The following NRXN3 variants were observed in gnomAD, a reference collection of about 807,000 sequenced individuals.
NRXN3 encodes neurexin 3.
NRXN3 carries 32 observed loss-of-function variants against 137.6 expected under a neutral mutation model. The ratio of observed to expected loss-of-function variants is 0.23; its 90% CI spans 0.18 to 0.31. The LOEUF (loss-of-function observed/expected upper bound fraction) is 0.31. Ranked by LOEUF, NRXN3 falls within the 10% of genes least tolerant of loss-of-function variation. The pLI is 1.00. For missense variants in NRXN3, 1,574 were observed against 2,062.5 expected, an observed-to-expected ratio of 0.76 and a Z score of 4.59; for synonymous variants, 798 against 784.5, an observed-to-expected ratio of 1.02 and a Z score of -0.29.
intron 4 of NRXN3, among the ~76,000 whole-genome samples, chr14:78,540,365 C>T (rs191020213): frequency 1.1e-3 from 161 of 150,984 alleles, no homozygotes; most frequent in Admixed American, 2.4e-3. Context: ...TATATAATGG[C>T]CTTCTTTTTC....
intron 19 of NRXN3, among the ~76,000 whole-genome samples, chr14:79,744,166 T>A (rs962103725): frequency 3.3e-5 from 5 of 152,158 alleles, no homozygotes; most frequent in African/African-American, 1.2e-4. Flanking sequence ...GAGCAGGAAA[T>A]GAGGTGACTA....
At chr14:79,831,195 G>A (rs1404850105) in intron 20 of NRXN3, among the ~76,000 whole-genome samples, 1 of 152,138 alleles carries the variant, frequency 6.6e-6, no homozygotes, top group African/African-American at 2.4e-5. Context: ...GTGTCATTTT[G>A]TTCAAAGGGA....
chr14:78,341,267 C>T (rs549726237), intron 4 of NRXN3, among the ~76,000 whole-genome samples: 1 of 152,260 alleles, frequency 6.6e-6, no homozygotes, highest in African/African-American at 2.4e-5. Context: ...TTTTCAGACT[C>T]TCATGTGTGC....
rs543594254 is a variant in NRXN3, at chr14:79,724,100, AG to A, written c.4014+26164del. ...TTGTTAGATTTCTGCTGTTCTCAAG[AG>A]CTGAAAAAAAGTGTGATACTTCACA... On this transcript the variant is annotated intron_variant, in intron 19 of 20. Coordinates refer to ENST00000335750, the MANE Select transcript of NRXN3 (RefSeq NM_001330195.2). Among the ~76,000 whole-genome samples, 43 of 152,238 alleles carry A rather than the reference AG, an allele frequency of 2.8e-4. No homozygotes were observed. The South Asian group carries it at 8.7e-3, about 31-fold the overall frequency.
At chr14:79,308,492 A>T (rs2086528516) in intron 15 of NRXN3, among the ~76,000 whole-genome samples, 1 of 152,166 alleles carries the variant, frequency 6.6e-6, no homozygotes, top group South Asian at 2.1e-4. Context: ...TGCATATGGT[A>T]TTCTCCTGAA....
intron 6 of NRXN3, among the ~76,000 whole-genome samples, chr14:78,663,860 C>T (rs1446603785): frequency 6.6e-6 from 1 of 152,184 alleles, no homozygotes; most frequent in Admixed American, 6.5e-5. Flanking sequence ...TAAAAAAACA[C>T]TAGTCCTTGT....
At chr14:79,419,519 A>G (rs1252422277) in intron 15 of NRXN3, among the ~76,000 whole-genome samples, 1 of 152,136 alleles carries the variant, frequency 6.6e-6, no homozygotes, top group Non-Finnish European at 1.5e-5. Flanking sequence ...GCTGCTAGAT[A>G]TTGGTAGAAA....
intron 10 of NRXN3, among the ~76,000 whole-genome samples, chr14:78,956,798 G>T (rs1597871896): frequency 6.6e-6 from 1 of 152,178 alleles, no homozygotes; most frequent in East Asian, 1.9e-4. Flanking sequence ...TCGTCCTATT[G>T]GTGGATACTC....
intron 15 of NRXN3, among the ~76,000 whole-genome samples, chr14:79,331,758 A>G (rs921660333): frequency 1.3e-5 from 2 of 152,134 alleles, no homozygotes; most frequent in Non-Finnish European, 2.9e-5. Context: ...CTGATTCTCT[A>G]TCAAGACATA....
intron 15 of NRXN3, among the ~76,000 whole-genome samples, chr14:79,016,055 C>T (rs1354039413): frequency 1.3e-5 from 2 of 152,158 alleles, no homozygotes; most frequent in African/African-American, 4.8e-5. Flanking sequence ...TCCCTTCTCA[C>T]CTTGTCCATG....
At chr14:78,943,973 A>C (rs1399941444) in intron 10 of NRXN3, among the ~76,000 whole-genome samples, 1 of 151,920 alleles carries the variant, frequency 6.6e-6, no homozygotes, top group Admixed American at 6.6e-5. Flanking sequence ...TTGAAGGGTG[A>C]GAGGATGGCA....
intron 4 of NRXN3, among the ~76,000 whole-genome samples, chr14:78,558,593 C>A (rs149366850): frequency 1.7e-3 from 264 of 152,238 alleles, no homozygotes; most frequent in Middle Eastern, 3.4e-3. Context: ...TAGGGGGCAT[C>A]TTTTCTGTTT....
chr14:79,509,836 A>G (rs1601434470), intron 16 of NRXN3, among the ~76,000 whole-genome samples: 2 of 152,206 alleles, frequency 1.3e-5, no homozygotes, highest in Admixed American at 1.3e-4. Context: ...AAGTTAGGAC[A>G]CATATTGAGT....
At chr14:78,343,953 G>A (rs933903969) in intron 4 of NRXN3, among the ~76,000 whole-genome samples, 1 of 152,212 alleles carries the variant, frequency 6.6e-6, no homozygotes, top group African/African-American at 2.4e-5. Flanking sequence ...GATGCTTGCT[G>A]CACATTAGAA....
At chr14:79,063,830 T>G (rs2099677295) in intron 15 of NRXN3, among the ~76,000 whole-genome samples, 1 of 152,142 alleles carries the variant, frequency 6.6e-6, no homozygotes, top group African/African-American at 2.4e-5. Context: ...ATAAAATTGT[T>G]TAACATGTTG....
At chr14:79,022,054 A>G (rs1341919288) in intron 15 of NRXN3, among the ~76,000 whole-genome samples, 2 of 152,198 alleles carry the variant, frequency 1.3e-5, no homozygotes, top group Non-Finnish European at 2.9e-5. Context: ...GCACAAAAAT[A>G]TATGTTATGT....
intron 4 of NRXN3, among the ~76,000 whole-genome samples, chr14:78,496,400 T>C (rs1463383502): frequency 6.6e-6 from 1 of 152,206 alleles, no homozygotes; most frequent in Non-Finnish European, 1.5e-5. Flanking sequence ...TTCTTTTGAA[T>C]TTGGAAGACC....
rs564454486 is a variant in NRXN3, at chr14:79,754,137, C to T, written c.4015-50975C>T. Among the ~76,000 whole-genome samples the T allele has an allele frequency of 1.1e-3, 171 of 152,000 alleles. 2 individuals carry two copies. The highest frequency in any genetic ancestry group is 3.4e-3 in the Middle Eastern group (1 of 294). On this transcript the variant is annotated intron_variant, in intron 19 of 20. Transcript: ENST00000335750. Reference sequence around the variant, plus strand: ...GGGAGTTCAAGACCAGCCTGGCCAACATGGTGAAACCCCTGTCTCTACTAA... The same window carrying T: ...GGGAGTTCAAGACCAGCCTGGCCAATATGGTGAAACCCCTGTCTCTACTAA...
intron 4 of NRXN3, among the ~76,000 whole-genome samples, chr14:78,465,914 C>T (rs1318408755): frequency 2.0e-5 from 3 of 151,788 alleles, no homozygotes; most frequent in South Asian, 2.1e-4. Context: ...TGCAGTGACG[C>T]GATCTCGGCT....
Sources: gnomAD v4.1 joint callset for allele counts (sites outside exome capture counted in the v4.1 genomes callset) on GRCh38, gnomAD v4.1.1 for gene constraint, MANE v1.5 for transcripts, NCBI Gene and HGNC (gene_info 2026-07-23, HGNC 2026-07-21) for gene names.